FHIP1A: variants seen among roughly 807,000 people sequenced by gnomAD.
FHIP1A encodes the protein FHF complex subunit HOOK interacting protein 1A.
In FHIP1A, 61 loss-of-function variants were observed where a neutral mutation model predicts 88.6. That is an observed-to-expected ratio of 0.69 (90% confidence interval 0.56 to 0.85). The LOEUF is 0.85. Ranked by LOEUF, FHIP1A falls within the 40% of genes least tolerant of loss-of-function variation. FHIP1A has a pLI of 0.00. For missense variants in FHIP1A, 1,154 were observed against 1,273.5 expected, an observed-to-expected ratio of 0.91 and a Z score of 1.43; for synonymous variants, 478 against 496.0, an observed-to-expected ratio of 0.96 and a Z score of 0.48.
intron 3 of FHIP1A, among the ~76,000 whole-genome samples, chr4:151,485,281 A>ATTTTTTT (rs1730037582): frequency 2.0e-5 from 2 of 99,218 alleles, no homozygotes; most frequent in Admixed American, 9.8e-5. Flanking sequence ...GATCTTTTCC[A>ATTTTTTT]GTTTTTTTTT....
chr4:151,602,490 G>A (rs1028571977), intron 7 of FHIP1A, among the ~76,000 whole-genome samples: 1 of 152,096 alleles, frequency 6.6e-6, no homozygotes, highest in Non-Finnish European at 1.5e-5. Flanking sequence ...ACTAAGTGCT[G>A]TGACAGAGAA....
intron 3 of FHIP1A, among the ~76,000 whole-genome samples, chr4:151,533,905 A>G (rs777538405): frequency 2.0e-5 from 3 of 152,248 alleles, no homozygotes; most frequent in Non-Finnish European, 4.4e-5. Flanking sequence ...AGAGATTTGT[A>G]ATCAATCATT....
chr4:151,508,708 G>T (rs750340187), intron 3 of FHIP1A, among the ~76,000 whole-genome samples: 5 of 152,194 alleles, frequency 3.3e-5, no homozygotes, highest in Non-Finnish European at 7.3e-5. Flanking sequence ...AGGTGACTTG[G>T]ACTTGGAACC....
chr4:151,544,314 A>G (rs1432518807), intron 3 of FHIP1A, among the ~76,000 whole-genome samples: 1 of 152,184 alleles, frequency 6.6e-6, no homozygotes, highest in African/African-American at 2.4e-5. Flanking sequence ...TTTTTCACTT[A>G]CCTTAACCCA....
intron 7 of FHIP1A, among the ~76,000 whole-genome samples, chr4:151,592,284 G>A (rs1280979306): frequency 6.6e-5 from 10 of 152,060 alleles, no homozygotes; most frequent in East Asian, 1.9e-4. Flanking sequence ...ACAGGCGCCC[G>A]CCACCATGCC....
At position 151,649,614 on chromosome 4, in the gene FHIP1A, TATG is replaced by T; in HGVS notation, c.1577_1579del (p.Asp526del). The T allele has an allele frequency of 6.4e-7, 1 of 1,551,686 alleles. No individual in the cohort carries two copies. The highest frequency in any genetic ancestry group is 8.7e-7 in the Non-Finnish European group (1 of 1,146,980). ...GGACTGCCGTGTCTGGTCCGCCCTG[TATG>T]ATGGCGACTCCCCCGACCCTGAGAT... On this transcript the variant is annotated inframe_deletion, in exon 11 of 14. Transcript: ENST00000435205.
Position 151,597,815 on chromosome 4 carries a change from CTT to C in FHIP1A, c.978+8891_978+8892del, listed in dbSNP as rs1283712744. Among the ~76,000 whole-genome samples the C allele has an allele frequency of 8.5e-5, 13 of 152,254 alleles. 1 individual carries two copies. The highest frequency in any genetic ancestry group is 3.1e-4 in the African/African-American group (13 of 41,544). ...CTGTCCAGTTCGAACTTCCAGGTGA[CTT>C]TGTTTATACTGTGAGGGGAAAACTG... On this transcript the variant is annotated intron_variant, in intron 7 of 13. Transcript: ENST00000435205.
chr4:151,463,103 T>G (rs1189509032), intron 2 of FHIP1A, among the ~76,000 whole-genome samples: 1 of 152,152 alleles, frequency 6.6e-6, no homozygotes, highest in African/African-American at 2.4e-5. Flanking sequence ...CCAAAGCAAC[T>G]CAGAAAATAT....
At position 151,668,063 on chromosome 4, in the gene FHIP1A, A is replaced by G. The variant is rs1392779587; in HGVS notation, c.*5309A>G. On this transcript the variant is annotated 3_prime_UTR_variant, in exon 14 of 14. Coordinates refer to ENST00000435205, the MANE Select transcript of FHIP1A (RefSeq NM_001109977.3). The stretch of plus-strand genomic sequence containing the variant: ...TAAAAGAGGGAATTTGGTGTTGACA[A>G]TCTTACTTACACGACTCTTGCTAAG... Among the ~76,000 whole-genome samples the G allele has an allele frequency of 3.9e-5, 6 of 152,130 alleles. No homozygotes were observed. Among genetic ancestry groups the G allele is most frequent in the Admixed American group, 6.5e-5 (1 of 15,280 alleles).
chr4:151,438,770 T>C (rs938426999), intron 1 of FHIP1A, among the ~76,000 whole-genome samples: 1 of 151,976 alleles, frequency 6.6e-6, no homozygotes, highest in African/African-American at 2.4e-5. Flanking sequence ...GCCTCCCTAG[T>C]AGCTGTGATT....
intron 4 of FHIP1A, among the ~76,000 whole-genome samples, chr4:151,570,537 T>G (rs1733561859): frequency 6.6e-6 from 1 of 152,170 alleles, no homozygotes; most frequent in Non-Finnish European, 1.5e-5. Context: ...ACTACAGCCT[T>G]GAACTCCTGG....
At chr4:151,657,043 C>G in intron 13 of FHIP1A, 145 bp downstream of exon 13, 1 of 852,516 alleles carries the variant, frequency 1.2e-6, no homozygotes, top group Non-Finnish European at 1.8e-6. Context: ...CAGGGAGGAA[C>G]CACCTCTTAG....
chr4:151,566,753 A>G (rs533960688), intron 4 of FHIP1A, among the ~76,000 whole-genome samples: 2 of 152,152 alleles, frequency 1.3e-5, no homozygotes, highest in Admixed American at 1.3e-4. Flanking sequence ...TTTATTAAAC[A>G]TTTACCAAGT....
chr4:151,428,571 T>G (rs1317693262), intron 1 of FHIP1A, among the ~76,000 whole-genome samples: 2 of 152,188 alleles, frequency 1.3e-5, no homozygotes, highest in African/African-American at 4.8e-5. Context: ...TTTCATCATG[T>G]CATTCTCCCT....
chr4:151,633,046 A>G (rs1226557090), intron 8 of FHIP1A, among the ~76,000 whole-genome samples: 1 of 151,908 alleles, frequency 6.6e-6, no homozygotes, highest in Non-Finnish European at 1.5e-5. Flanking sequence ...AAACAACAGC[A>G]ATAATATTGA....
intron 4 of FHIP1A, among the ~76,000 whole-genome samples, chr4:151,576,135 G>A (rs558081464): frequency 1.3e-5 from 2 of 152,140 alleles, no homozygotes; most frequent in African/African-American, 2.4e-5. Context: ...TTTCCAGGTC[G>A]CAAAGTGGAA....
At chr4:151,415,168 G>T (rs890143096) in intron 1 of FHIP1A, among the ~76,000 whole-genome samples, 10 of 150,428 alleles carry the variant, frequency 6.6e-5, no homozygotes, top group Admixed American at 2.0e-4. Flanking sequence ...GCATTGAATA[G>T]ATATAGTTTT....
chr4:151,438,673 G>GC (rs1728299158), intron 1 of FHIP1A, among the ~76,000 whole-genome samples: 1 of 145,016 alleles, frequency 6.9e-6, no homozygotes, highest in African/African-American at 2.6e-5. Context: ...CAAGAATCTG[G>GC]CCCTGTTACC....
intron 2 of FHIP1A, among the ~76,000 whole-genome samples, chr4:151,467,458 G>A (rs1580600552): frequency 6.6e-6 from 1 of 152,118 alleles, no homozygotes; most frequent in Admixed American, 6.5e-5. Context: ...ATTTGACCCA[G>A]CAATCCCATT....
Sources: gnomAD v4.1 joint callset for allele counts (sites outside exome capture counted in the v4.1 genomes callset) on GRCh38, gnomAD v4.1.1 for gene constraint, MANE v1.5 for transcripts, NCBI Gene and HGNC (gene_info 2026-07-23, HGNC 2026-07-21) for gene names.